The following ZNF322 variants were observed in gnomAD, a reference collection of about 807,000 sequenced individuals.
ZNF322 encodes zinc finger protein 322.
In ZNF322, 1 loss-of-function variant was observed where a neutral mutation model predicts 18.3. That is an observed-to-expected ratio of 0.05 (90% CI 0.02 to 0.26). The LOEUF is 0.26. Ranked by LOEUF, ZNF322 falls within the 10% of genes least tolerant of loss-of-function variation. ZNF322 has a pLI of 1.00. For synonymous variants in ZNF322, 17 were observed against 130.7 expected (o/e 0.13, Z 5.93); for missense variants, 36 against 403.6 (o/e 0.09, Z 7.80).
chr6:26,641,064 T>C (rs1390078897), intron 3 of ZNF322, among the ~76,000 whole-genome samples: 1 of 152,204 alleles, frequency 6.6e-6, no homozygotes, highest in African/African-American at 2.4e-5. Context: ...CTCTGGGTAA[T>C]GAGATGATAC....
chr6:26,649,663 GTGTGTGTGTGTGTATA>G (rs1253120481), intron 2 of ZNF322, among the ~76,000 whole-genome samples: 36 of 44,992 alleles, frequency 8.0e-4, no homozygotes, highest in African/African-American at 2.9e-3. Context: ...GTGTGTGTGT[GTGTGTGTGTGTGTATA>G]TATATATATA....
intron 2 of ZNF322, among the ~76,000 whole-genome samples, chr6:26,644,678 C>T (rs1163504542): frequency 6.6e-6 from 1 of 152,130 alleles, no homozygotes; most frequent in African/African-American, 2.4e-5. Flanking sequence ...TGGTCCTCTT[C>T]AGTATGGGGC....
intron 2 of ZNF322, among the ~76,000 whole-genome samples, chr6:26,646,781 T>C (rs1554148783): frequency 6.6e-6 from 1 of 152,150 alleles, no homozygotes; most frequent in African/African-American, 2.4e-5. Flanking sequence ...GGAAGCATCA[T>C]TATCGCAAAG....
chr6:26,645,998 T>C (rs1278757941), intron 2 of ZNF322, among the ~76,000 whole-genome samples: 1 of 151,654 alleles, frequency 6.6e-6, no homozygotes. Flanking sequence ...GCCATTGCAC[T>C]CCAGCCTGGG....
At position 26,649,685 on chromosome 6, in the gene ZNF322, ATATATATATATATATATT is replaced by A. The variant is rs1561924885; in HGVS notation, c.-245-5975_-245-5958del. On this transcript the variant is annotated intron_variant, in intron 2 of 3. Transcript: ENST00000415922. ...TGTGTGTGTGTGTGTGTATATATAT[ATATATATATATATATATT>A]TTTTTTTTTTTTTTTTTGAGACTGA... Among the ~76,000 whole-genome samples the A allele has an allele frequency of 1.1e-3, 78 of 71,516 alleles. 1 individual carries two copies. Among genetic ancestry groups the A allele is most frequent in the African/African-American group, 4.1e-3 (66 of 15,984 alleles). The allele number at this position is 71,516 out of a possible 152,430, so 46.9% of individuals were successfully genotyped here.
chr6:26,649,697 A>AT (rs1561924958), intron 2 of ZNF322, among the ~76,000 whole-genome samples: 26 of 52,470 alleles, frequency 5.0e-4, no homozygotes, highest in South Asian at 1.6e-3. Flanking sequence ...ATATATATAT[A>AT]TATATTTTTT....
chr6:26,649,669 GTGTGTGTATATATATATATATATATA>G (rs1561924741), intron 2 of ZNF322, among the ~76,000 whole-genome samples: 6 of 36,262 alleles, frequency 1.7e-4, no homozygotes, highest in African/African-American at 6.6e-4. Context: ...GTGTGTGTGT[GTGTGTGTATATATATATATATATATA>G]TATATATTTT....
chr6:26,640,997 A>G (rs1257737970), intron 3 of ZNF322, among the ~76,000 whole-genome samples: 1 of 152,224 alleles, frequency 6.6e-6, no homozygotes, highest in Non-Finnish European at 1.5e-5. Flanking sequence ...GAACATGTGC[A>G]CTCAGAGAAA....
intron 2 of ZNF322, among the ~76,000 whole-genome samples, chr6:26,646,318 C>T (rs1373093362): frequency 6.6e-6 from 1 of 152,014 alleles, no homozygotes; most frequent in Admixed American, 6.6e-5. Context: ...ATACAAGAGA[C>T]ACCTAAAGCA....
intron 2 of ZNF322, among the ~76,000 whole-genome samples, chr6:26,648,049 T>C (rs1364010070): frequency 2.6e-5 from 4 of 152,066 alleles, no homozygotes; most frequent in African/African-American, 7.2e-5. Flanking sequence ...GGCTAACATT[T>C]TTTATGAATG....
intron 2 of ZNF322, among the ~76,000 whole-genome samples, chr6:26,656,199 G>T (rs1410289078): frequency 6.6e-6 from 1 of 152,192 alleles, no homozygotes; most frequent in East Asian, 1.9e-4. Flanking sequence ...GACAGTTTAA[G>T]CTCTGGATGC....
rs1765396868 is a variant in ZNF322 at position 26,638,171 on chromosome 6, G to A, written c.383C>T (p.Thr128Ile). 3 of 1,613,534 alleles carry A rather than the reference G, an allele frequency of 1.9e-6. No homozygotes were observed. The highest frequency in any genetic ancestry group is 2.5e-6 in the Non-Finnish European group (3 of 1,179,728). ...AAAATTCTTGCCACAAATGTCACAT[G>A]TATAGAATTTTTTACCTGCATGTGT... is the stretch of plus-strand genomic sequence containing the variant. Reference protein sequence around the residue: ...QRTHAGKKFYTCDICGKNFGQ... With the variant: ...QRTHAGKKFYICDICGKNFGQ... The change falls in exon 4 of 4, where the codon ACA becomes ATA. Residue 128 changes from threonine (T) to isoleucine (I), a missense_variant. Thr to Ile is a moderately conservative substitution (Grantham distance 89). Transcript: ENST00000415922.
intron 3 of ZNF322, among the ~76,000 whole-genome samples, chr6:26,639,504 C>T (rs782424301): frequency 7.9e-5 from 12 of 152,034 alleles, no homozygotes; most frequent in Non-Finnish European, 1.5e-4. Context: ...GTTTTTTCCT[C>T]CTCATTCTGT....
chr6:26,651,230 T>G (rs1214899073), intron 2 of ZNF322: 1 of 136,588 alleles, frequency 7.3e-6, no homozygotes, highest in Non-Finnish European at 1.5e-5. Flanking sequence ...GGTGCTGAAG[T>G]AACTAGACAT....
intron 3 of ZNF322, among the ~76,000 whole-genome samples, chr6:26,640,798 A>C (rs1765454047): frequency 6.6e-6 from 1 of 152,172 alleles, no homozygotes; most frequent in Non-Finnish European, 1.5e-5. Flanking sequence ...TAATTTATGA[A>C]AACTTTGACT....
intron 3 of ZNF322, among the ~76,000 whole-genome samples, chr6:26,642,317 C>A (rs1337939284): frequency 6.6e-6 from 1 of 152,224 alleles, no homozygotes; most frequent in Non-Finnish European, 1.5e-5. Flanking sequence ...TGAGGGAACT[C>A]AGATACCAGT....
chr6:26,646,122 CAG>C (rs1765555395), intron 2 of ZNF322, among the ~76,000 whole-genome samples: 2 of 151,644 alleles, frequency 1.3e-5, no homozygotes, highest in Middle Eastern at 6.8e-3. Context: ...ACATTCAAAA[CAG>C]AAAGTCATGA....
rs1338585037 is a variant in ZNF322 at position 26,652,196 on chromosome 6, G to T, written c.-246+6362C>A. Among the ~76,000 whole-genome samples the T allele has an allele frequency of 2.6e-5, 4 of 152,198 alleles. No homozygotes were observed. In the East Asian group the frequency reaches 7.7e-4, roughly 29 times the overall value. On this transcript the variant is annotated intron_variant, in intron 2 of 3. Coordinates refer to ENST00000415922, the MANE Select transcript of ZNF322 (RefSeq NM_024639.5). ...TCCATGGAGGAAAATTGATAAGCTGGACTTTAAAATTAAAAATGTCTGCTC... is the reference window on the plus strand; with the variant it reads ...TCCATGGAGGAAAATTGATAAGCTGTACTTTAAAATTAAAAATGTCTGCTC...
chr6:26,646,827 A>C (rs1469115850), intron 2 of ZNF322, among the ~76,000 whole-genome samples: 1 of 152,196 alleles, frequency 6.6e-6, no homozygotes, highest in Non-Finnish European at 1.5e-5. Context: ...CAAAACTAGA[A>C]ATTTATTAAA....
Sources: gnomAD v4.1 joint callset for allele counts (sites outside exome capture counted in the v4.1 genomes callset) on GRCh38, gnomAD v4.1.1 for gene constraint, MANE v1.5 for transcripts, NCBI Gene and HGNC (gene_info 2026-07-23, HGNC 2026-07-21) for gene names.